GRAMD4: variants seen among roughly 807,000 people sequenced by gnomAD.
GRAMD4 encodes the protein GRAM domain-containing protein 4.
Under a neutral mutation model 83.9 loss-of-function variants are expected in GRAMD4, and 25 were observed. The observed-to-expected ratio is 0.30, with a 90% CI of 0.22 to 0.42. The LOEUF (loss-of-function observed/expected upper bound fraction) is 0.42, where lower values mean the gene tolerates loss of function less well. Ranked by LOEUF, GRAMD4 falls within the 10% of genes least tolerant of loss-of-function variation. The pLI, the probability that GRAMD4 is intolerant of heterozygous loss-of-function variation, is 1.00. For missense variants in GRAMD4, 593 were observed against 788.7 expected, an observed-to-expected ratio of 0.75 and a Z score of 2.97; for synonymous variants, 336 against 320.9, an observed-to-expected ratio of 1.05 and a Z score of -0.50.
At chr22:46,629,896 G>C (rs1009810048) in intron 2 of GRAMD4, among the ~76,000 whole-genome samples, 7 of 152,188 alleles carry the variant, frequency 4.6e-5, no homozygotes, top group Non-Finnish European at 1.0e-4. Flanking sequence ...ATAACATGAG[G>C]CCTCGTGTGT....
chr22:46,673,060 G>A (rs1383265088), intron 14 of GRAMD4, 63 bp downstream of exon 14: 6 of 1,339,330 alleles, frequency 4.5e-6, no homozygotes, highest in South Asian at 2.6e-5. Flanking sequence ...GGCATCCCCA[G>A]GCCCACAGTG....
chr22:46,579,895 G>C (rs979847665), intron 1 of GRAMD4, among the ~76,000 whole-genome samples: 6 of 152,108 alleles, frequency 3.9e-5, no homozygotes, highest in African/African-American at 1.4e-4. Context: ...CTGCCTAGTG[G>C]CCATGGTGGG....
At position 46,675,839 on chromosome 22, in the gene GRAMD4, G is replaced by A. The variant is rs189143495; in HGVS notation, c.1563+287G>A. 7.0e-4 allele frequency among the ~76,000 whole-genome samples: 107 copies of A among 152,288 alleles called. 1 individual carries two copies. The highest frequency in any genetic ancestry group is 2.3e-3 in the African/African-American group (96 of 41,560). On this transcript the variant is annotated intron_variant, in intron 17 of 18. Transcript: ENST00000406902. ...CCACTCTGGCTGCTGTGTTCCCCTC[G>A]TATCTGGGACCCTCCCCATAAAGAA...
intron 2 of GRAMD4, among the ~76,000 whole-genome samples, chr22:46,634,489 C>T (rs1167042374): frequency 1.3e-5 from 2 of 152,168 alleles, no homozygotes; most frequent in Admixed American, 1.3e-4. Flanking sequence ...CAAGGGTGGG[C>T]GAATGGCGGG....
chr22:46,617,685 G>T (rs1011328430), upstream of GRAMD4, among the ~76,000 whole-genome samples: 4 of 152,112 alleles, frequency 2.6e-5, no homozygotes, highest in Non-Finnish European at 4.4e-5. Flanking sequence ...TCTCTCCTGG[G>T]CCACGCTGGC....
chr22:46,659,164 C>A lies in GRAMD4; in HGVS notation c.404+857C>A, dbSNP rs2082290479. ...CCCGCTCAGCCTCCACTCCAGCAAC[C>A]TCCTGCTTCGGCCTCCCTCTCAGCC... On this transcript the variant is annotated intron_variant, in intron 4 of 18. Transcript: ENST00000406902. This position sits in a 1 kb window ranked among gnomAD's most constrained non-coding sequence, Gnocchi z 4.1. Among the ~76,000 whole-genome samples the A allele has an allele frequency of 6.6e-6, 1 of 152,112 alleles. No individual in the cohort carries two copies. Among genetic ancestry groups the A allele is most frequent in the Admixed American group, 6.5e-5 (1 of 15,280 alleles).
chr22:46,648,701 T>C (rs1468606121), intron 3 of GRAMD4, among the ~76,000 whole-genome samples: 1 of 147,964 alleles, frequency 6.8e-6, no homozygotes, highest in East Asian at 2.0e-4. Context: ...GATGGATGCA[T>C]GGATGGATGG....
intron 8 of GRAMD4, among the ~76,000 whole-genome samples, chr22:46,665,159 C>T (rs560212184): frequency 6.6e-6 from 1 of 152,256 alleles, no homozygotes; most frequent in Non-Finnish European, 1.5e-5. Flanking sequence ...TCACCTCCAT[C>T]CCCTGCCCTG....
At chr22:46,639,441 C>T (rs539956737) in intron 3 of GRAMD4, among the ~76,000 whole-genome samples, 3 of 150,610 alleles carry the variant, frequency 2.0e-5, no homozygotes, top group Admixed American at 6.6e-5. Context: ...TGTGTGTCTG[C>T]GTGTGCAGCA....
intron 3 of GRAMD4, among the ~76,000 whole-genome samples, chr22:46,656,997 C>T (rs1418895185): frequency 6.6e-6 from 1 of 152,220 alleles, no homozygotes; most frequent in Non-Finnish European, 1.5e-5. Flanking sequence ...GGAGAGACAG[C>T]ACTTAGGTGA....
rs1171960557 is a variant in GRAMD4, at chr22:46,621,698, G to A, written c.-50+1133G>A. 4.8e-5 allele frequency among the ~76,000 whole-genome samples: 7 copies of A among 145,996 alleles called. No homozygotes were observed. The highest frequency in any genetic ancestry group is 2.2e-4 in the South Asian group (1 of 4,578). On this transcript the variant is annotated intron_variant, in intron 1 of 18. Transcript: ENST00000406902. This position sits in a 1 kb window ranked among gnomAD's most constrained non-coding sequence, Gnocchi z 5.8. ...CCCGGTGCAGGCACAGGCTGGAGGC[G>A]TAGCCCGGGCCCGTCCCTGGCGCTG... is the stretch of plus-strand genomic sequence containing the variant.
At position 46,677,438 on chromosome 22, in the gene GRAMD4, G is replaced by A; in HGVS notation, c.*187G>A. On this transcript the variant is annotated 3_prime_UTR_variant, in exon 19 of 19. Transcript: ENST00000406902. ...ACCAAGAAGGGGCCAGGGCTCACAG[G>A]GACGGGGGTGCCCCTCTCCCACAGG... is the stretch of plus-strand genomic sequence containing the variant. The A allele has an allele frequency of 7.4e-7, 1 of 1,358,438 alleles. No individual in the cohort carries two copies. Among genetic ancestry groups the A allele is most frequent in the Non-Finnish European group, 9.5e-7 (1 of 1,055,032 alleles). The allele number at this position is 1,358,438 out of a possible 1,614,324, so 84.1% of individuals were successfully genotyped here.
chr22:46,643,152 C>G (rs1474228360), intron 3 of GRAMD4, among the ~76,000 whole-genome samples: 1 of 77,164 alleles, frequency 1.3e-5, no homozygotes, highest in Admixed American at 1.3e-4. Context: ...TCCATCCATC[C>G]ATCCATCCAT....
At chr22:46,656,212 G>A (rs749340172) in intron 3 of GRAMD4, among the ~76,000 whole-genome samples, 9 of 152,368 alleles carry the variant, frequency 5.9e-5, no homozygotes, top group Non-Finnish European at 1.0e-4. Context: ...CCCACACTGG[G>A]CAAGTGGATC....
intron 5 of GRAMD4, among the ~76,000 whole-genome samples, chr22:46,662,736 C>T (rs1326169649): frequency 6.6e-6 from 1 of 152,182 alleles, no homozygotes; most frequent in Non-Finnish European, 1.5e-5. Context: ...GACGAGAGCC[C>T]AGGGCGGGCA....
At chr22:46,605,659 G>A (rs1250753726) in intron 1 of GRAMD4, among the ~76,000 whole-genome samples, 1 of 152,274 alleles carries the variant, frequency 6.6e-6, no homozygotes, top group African/African-American at 2.4e-5. Context: ...GGTGTGAAAG[G>A]GTCTCCCCTT....
chr22:46,596,758 C>T (rs2081265716), intron 1 of GRAMD4, among the ~76,000 whole-genome samples: 1 of 152,132 alleles, frequency 6.6e-6, no homozygotes, highest in South Asian at 2.1e-4. Context: ...ACCATGTTAG[C>T]CAGGCTGGTC....
At chr22:46,638,064 C>T (rs920076084) in intron 3 of GRAMD4, 104 bp downstream of exon 3, 39 of 1,233,888 alleles carry the variant, frequency 3.2e-5, no homozygotes, top group Middle Eastern at 2.2e-4. Context: ...TGAAGACCCA[C>T]GCAGGCTCCA....
At chr22:46,638,088 G>C (rs1427229136) in intron 3 of GRAMD4, 128 bp downstream of exon 3, 1 of 974,178 alleles carries the variant, frequency 1.0e-6, no homozygotes, top group East Asian at 2.6e-5. Flanking sequence ...CTGGACACGA[G>C]CCCTGGGCAG....
Sources: allele counts gnomAD v4.1 joint callset (sites outside exome capture counted in the v4.1 genomes callset), GRCh38; gene constraint gnomAD v4.1.1; non-coding constraint Gnocchi (gnomAD v3.1); transcripts MANE v1.5; gene names NCBI Gene and HGNC (gene_info 2026-07-23, HGNC 2026-07-21).